Variants in APOOL observed in about 807,000 individuals in gnomAD.
APOOL encodes the protein apolipoprotein O like.
In APOOL, 12 loss-of-function variants were observed where a neutral mutation model predicts 23.1. The observed-to-expected ratio is 0.52, with a 90% CI of 0.33 to 0.84. APOOL has a LOEUF of 0.84. Ranked by LOEUF, APOOL falls within the 40% of genes least tolerant of loss-of-function variation. The pLI, the probability that APOOL is intolerant of heterozygous loss-of-function variation, is 0.02. For synonymous variants in APOOL, 77 were observed against 69.9 expected (o/e 1.10, Z -0.51); for missense variants, 212 against 199.6 (o/e 1.06, Z -0.37).
At chrX:85,005,908 A>G (rs1602733640) in intron 1 of APOOL, among the ~76,000 whole-genome samples, 2 of 112,065 alleles carry the variant, frequency 1.8e-5, no homozygotes, top group Middle Eastern at 9.2e-3. Flanking sequence ...GCAAACCAGA[A>G]TAGTGTGTTT....
rs886318072 is a variant in APOOL at position 85,051,254 on chromosome X, T to C, written c.121-135T>C. The C allele has an allele frequency of 4.2e-6, 3 of 719,576 alleles. No homozygotes were observed. In the African/African-American group the frequency reaches 6.6e-5, roughly 16 times the overall value. The allele number at this position is 719,576 out of a possible 1,213,427, so 59.3% of individuals were successfully genotyped here. ...CACATCATTCCTGTATTTAAGATGG[T>C]TTTTTAAAAGTATTTTATCAGCATT... On this transcript the variant is annotated intron_variant, in intron 2 of 8. Transcript: ENST00000373173.
In APOOL at chrX:85,079,729, T is replaced by C. The variant is rs905724608; in HGVS notation, c.718+5338T>C. ...TGAAACTGTCTGGTCCTGTACTTTT[T>C]TTGGTTGGTAGGCTATTAATTATTG... On this transcript the variant is annotated intron_variant, in intron 8 of 8. Coordinates refer to ENST00000373173, the MANE Select transcript of APOOL (RefSeq NM_198450.6). Among the ~76,000 whole-genome samples, 3 of 111,699 alleles carry C rather than the reference T, an allele frequency of 2.7e-5. No individual in the cohort carries two copies. In the South Asian group the frequency reaches 1.1e-3, roughly 42 times the overall value.
rs1455863145 is a variant in APOOL at position 85,087,916 on chromosome X, C to T, written c.*238C>T. On this transcript the variant is annotated 3_prime_UTR_variant, in exon 9 of 9. Transcript: ENST00000373173. Reference sequence around the variant, plus strand: ...GAGGAGACTTAGGTAGAAGTATTAGCTTGCATTTGATGACCTTTAAGGGCA... The same window carrying T: ...GAGGAGACTTAGGTAGAAGTATTAGTTTGCATTTGATGACCTTTAAGGGCA... 3 of 244,498 alleles carry T rather than the reference C, an allele frequency of 1.2e-5. No homozygotes were observed. Among genetic ancestry groups the T allele is most frequent in the African/African-American group, 8.9e-5 (3 of 33,713 alleles). The allele number at this position is 244,498 out of a possible 1,213,427, so 20.1% of individuals were successfully genotyped here.
chrX:85,056,758 T>G (rs1284644042), intron 5 of APOOL, among the ~76,000 whole-genome samples: 1 of 111,594 alleles, frequency 9.0e-6, no homozygotes, highest in African/African-American at 3.3e-5. Flanking sequence ...AAAAAATATT[T>G]TAAAATTATC....
At chrX:85,021,228 A>C (rs1399966083) in intron 1 of APOOL, among the ~76,000 whole-genome samples, 2 of 109,319 alleles carry the variant, frequency 1.8e-5, no homozygotes, top group Non-Finnish European at 3.8e-5. Flanking sequence ...AGGAACACCC[A>C]TGTATACCCA....
At chrX:85,083,700 C>T (rs1924190652) in intron 8 of APOOL, among the ~76,000 whole-genome samples, 1 of 111,823 alleles carries the variant, frequency 8.9e-6, no homozygotes. Flanking sequence ...AAATTTGTAA[C>T]AATCCTAACT....
intron 3 of APOOL, 43 bp downstream of exon 3, chrX:85,051,551 T>G (rs776055661): frequency 8.3e-7 from 1 of 1,203,953 alleles, no homozygotes; most frequent in Non-Finnish European, 1.1e-6. Context: ...AGATTTCTGA[T>G]TAATTGTTCC....
intron 1 of APOOL, 75 bp from the exon 2 acceptor site, chrX:85,046,371 C>T: frequency 1.2e-6 from 1 of 811,748 alleles, no homozygotes; most frequent in Non-Finnish European, 1.8e-6. Context: ...TCCTGAGATT[C>T]CTCCAGTATT....
At position 85,092,730 on chromosome X, in the gene APOOL, C is replaced by A; in HGVS notation, c.*5052C>A. On this transcript the variant is annotated 3_prime_UTR_variant, in exon 9 of 9. Coordinates refer to ENST00000373173, the MANE Select transcript of APOOL (RefSeq NM_198450.6). ...TCTATAGCTGTAAAAAGAAAAAAGT[C>A]TCACTGTTCTGAGCTTTAAAGCCCT... The A allele has an allele frequency of 4.4e-6, 2 of 457,098 alleles. No individual in the cohort carries two copies. The highest frequency in any genetic ancestry group is 3.8e-5 in the East Asian group (1 of 26,548). The allele number at this position is 457,098 out of a possible 1,213,427, so 37.7% of individuals were successfully genotyped here.
intron 3 of APOOL, among the ~76,000 whole-genome samples, chrX:85,052,993 A>G (rs1248289578): frequency 8.9e-6 from 1 of 111,947 alleles, no homozygotes; most frequent in Non-Finnish European, 1.9e-5. Flanking sequence ...TTTCCAGTGC[A>G]TTTTGTCCTA....
Position 85,012,550 on chromosome X carries a change from T to G in APOOL, c.15+8623T>G, listed in dbSNP as rs1253765859. Among the ~76,000 whole-genome samples the G allele has an allele frequency of 6.3e-5, 7 of 111,781 alleles. No homozygotes were observed. The Admixed American group carries it at 6.7e-4, about 11-fold the overall frequency. ...CCAGTTTTGCAGAAGGTTTTTATCA[T>G]GAAGGGAGCCAGGAGTTTTTCAAAT... is the stretch of plus-strand genomic sequence containing the variant. On this transcript the variant is annotated intron_variant, in intron 1 of 8. Coordinates refer to ENST00000373173, the MANE Select transcript of APOOL (RefSeq NM_198450.6).
In APOOL at chrX:85,039,799, T is replaced by C. The variant is rs776401928; in HGVS notation, c.16-6647T>C. ...ATTTGAGCCTGTGGATGTCACTGCA[T>C]GTGAGATGGGTCTCTTGAAGGCAGC... On this transcript the variant is annotated intron_variant, in intron 1 of 8. Coordinates refer to ENST00000373173, the MANE Select transcript of APOOL (RefSeq NM_198450.6). Among the ~76,000 whole-genome samples the C allele has an allele frequency of 5.4e-5, 6 of 112,102 alleles. No individual in the cohort carries two copies. The East Asian group carries it at 1.7e-3, about 31-fold the overall frequency.
intron 8 of APOOL, among the ~76,000 whole-genome samples, chrX:85,086,566 C>G (rs931623366): frequency 9.0e-5 from 10 of 111,653 alleles, no homozygotes; most frequent in Non-Finnish European, 9.4e-5. Flanking sequence ...AATCTGGTAC[C>G]TTTTCACCAC....
At chrX:85,023,091 A>C (rs1028935616) in intron 1 of APOOL, among the ~76,000 whole-genome samples, 1 of 111,908 alleles carries the variant, frequency 8.9e-6, no homozygotes, top group African/African-American at 3.2e-5. Context: ...TTTTTTCTTT[A>C]TAAATTACCC....
chrX:85,036,466 C>A (rs1855224817), intron 1 of APOOL, among the ~76,000 whole-genome samples: 1 of 110,891 alleles, frequency 9.0e-6, no homozygotes, highest in African/African-American at 3.3e-5. Context: ...TTATATATTT[C>A]TTTTGCCTGA....
chrX:85,015,780 C>A (rs950328724), intron 1 of APOOL, among the ~76,000 whole-genome samples: 10 of 110,992 alleles, frequency 9.0e-5, no homozygotes, highest in Non-Finnish European at 1.9e-4. Flanking sequence ...GTTGGCCAGG[C>A]TGGTCTCAAA....
At chrX:85,061,982 T>G (rs1338065030) in intron 5 of APOOL, among the ~76,000 whole-genome samples, 4 of 111,603 alleles carry the variant, frequency 3.6e-5, no homozygotes, top group Non-Finnish European at 7.5e-5. Flanking sequence ...AAGATGTCAA[T>G]TTTAGATCTT....
intron 1 of APOOL, among the ~76,000 whole-genome samples, chrX:85,008,449 C>G (rs980295185): frequency 1.8e-5 from 2 of 111,085 alleles, no homozygotes; most frequent in Non-Finnish European, 3.8e-5. Flanking sequence ...TGACTTACTT[C>G]ACTCAGCATA....
intron 1 of APOOL, among the ~76,000 whole-genome samples, chrX:85,027,183 A>G (rs1285723659): frequency 9.0e-6 from 1 of 111,434 alleles, no homozygotes; most frequent in African/African-American, 3.3e-5. Flanking sequence ...CTTACATGGC[A>G]GAAGCAAGAG....
Sources: gnomAD v4.1 joint callset for allele counts (sites outside exome capture counted in the v4.1 genomes callset) on GRCh38, gnomAD v4.1.1 for gene constraint, MANE v1.5 for transcripts, NCBI Gene and HGNC (gene_info 2026-07-23, HGNC 2026-07-21) for gene names.